GLRA3: variants seen among roughly 807,000 people sequenced by gnomAD.
The protein encoded by GLRA3 is glycine receptor subunit alpha-3.
Under a neutral mutation model 60.4 loss-of-function variants are expected in GLRA3, and 44 were observed. That is an observed-to-expected ratio of 0.73 (90% confidence interval 0.57 to 0.94). The LOEUF (loss-of-function observed/expected upper bound fraction) is 0.94, where lower values mean the gene tolerates loss of function less well. GLRA3 is among the 40% of genes least tolerant of loss of function. GLRA3 has a pLI of 0.00. For missense variants in GLRA3, 508 were observed against 564.6 expected, an observed-to-expected ratio of 0.90 and a Z score of 1.02; for synonymous variants, 223 against 192.9, an observed-to-expected ratio of 1.16 and a Z score of -1.29.
chr4:174,728,063 T>A (rs1227068859), intron 4 of GLRA3, among the ~76,000 whole-genome samples: 1 of 152,128 alleles, frequency 6.6e-6, no homozygotes, highest in Non-Finnish European at 1.5e-5. Context: ...ACAACACATA[T>A]ACCTGAAAAA....
At chr4:174,727,056 T>G (rs939110630) in intron 4 of GLRA3, among the ~76,000 whole-genome samples, 1 of 152,178 alleles carries the variant, frequency 6.6e-6, no homozygotes, top group Non-Finnish European at 1.5e-5. Flanking sequence ...AGAATTCTGA[T>G]GAAAGGGTCA....
At chr4:174,752,906 T>C (rs1364035117) in intron 3 of GLRA3, among the ~76,000 whole-genome samples, 1 of 152,148 alleles carries the variant, frequency 6.6e-6, no homozygotes, top group Non-Finnish European at 1.5e-5. Context: ...CTAAAATTTT[T>C]GAAAAGATGC....
chr4:174,642,556 T>C lies in GLRA3; in HGVS notation c.*1230A>G. The stretch of plus-strand genomic sequence containing the variant: ...TACACTGCAAAAAACAAGTTACTAA[T>C]GCTCTGTTTTTGTTGAAGTAATCCC... On this transcript the variant is annotated 3_prime_UTR_variant, in exon 10 of 10. Coordinates refer to ENST00000274093, the MANE Select transcript of GLRA3 (RefSeq NM_006529.4). 1 of 977,574 alleles carries C rather than the reference T, an allele frequency of 1.0e-6. No individual in the cohort carries two copies. Among genetic ancestry groups the C allele is most frequent in the Non-Finnish European group, 1.2e-6 (1 of 822,832 alleles). The allele number at this position is 977,574 out of a possible 1,614,324, so 60.6% of individuals were successfully genotyped here. A position where few individuals can be genotyped will look rare whatever the true frequency, so the allele number is the denominator to read the frequency against.
intron 8 of GLRA3, 68 bp from the exon 9 acceptor site, chr4:174,656,855 A>G (rs1733226409): frequency 2.3e-6 from 2 of 865,180 alleles, no homozygotes; most frequent in Admixed American, 1.8e-5. Flanking sequence ...ATGATTAAAT[A>G]TAATTACACA....
chr4:174,767,746 C>A (rs1738208149), intron 2 of GLRA3, among the ~76,000 whole-genome samples: 1 of 152,094 alleles, frequency 6.6e-6, no homozygotes, highest in Non-Finnish European at 1.5e-5. Context: ...CCTTACCCTT[C>A]ACTTCCTGCT....
At chr4:174,754,961 T>C (rs1561097459) in intron 3 of GLRA3, among the ~76,000 whole-genome samples, 2 of 152,264 alleles carry the variant, frequency 1.3e-5, no homozygotes, top group East Asian at 1.9e-4. Context: ...AGAAAGATTA[T>C]AGAATTACAC....
intron 2 of GLRA3, among the ~76,000 whole-genome samples, chr4:174,767,973 A>G (rs1004179628): frequency 2.6e-5 from 4 of 152,172 alleles, no homozygotes; most frequent in Non-Finnish European, 5.9e-5. Flanking sequence ...TTAGGCAGCT[A>G]CAATGTTAAA....
intron 9 of GLRA3, 86 bp downstream of exon 9, chr4:174,656,657 A>C (rs183471810): frequency 9.9e-6 from 7 of 705,056 alleles, no homozygotes; most frequent in African/African-American, 1.8e-5. Context: ...TTCCCCACCA[A>C]ACACTGCCTT....
At chr4:174,750,737 C>T (rs1737440971) in intron 3 of GLRA3, among the ~76,000 whole-genome samples, 2 of 152,088 alleles carry the variant, frequency 1.3e-5, no homozygotes, top group African/African-American at 4.8e-5. Flanking sequence ...GTATTCATAA[C>T]ATGTAAACCT....
intron 3 of GLRA3, among the ~76,000 whole-genome samples, chr4:174,739,538 G>C (rs1193392873): frequency 6.6e-6 from 1 of 152,048 alleles, no homozygotes; most frequent in Non-Finnish European, 1.5e-5. Context: ...AGATTAAAAA[G>C]TTTCTAAGAA....
chr4:174,763,582 C>T (rs961350407), intron 3 of GLRA3, among the ~76,000 whole-genome samples: 2 of 152,226 alleles, frequency 1.3e-5, no homozygotes, highest in South Asian at 4.1e-4. Flanking sequence ...CATTGTTAGA[C>T]CCAACTTAAC....
intron 7 of GLRA3, among the ~76,000 whole-genome samples, chr4:174,674,919 T>C (rs1167659790): frequency 1.3e-5 from 2 of 152,158 alleles, no homozygotes; most frequent in African/African-American, 2.4e-5. Flanking sequence ...AGAATCAGAA[T>C]TGTACTTTTA....
intron 3 of GLRA3, among the ~76,000 whole-genome samples, chr4:174,748,230 A>C (rs1737326292): frequency 6.6e-6 from 1 of 152,212 alleles, no homozygotes; most frequent in Non-Finnish European, 1.5e-5. Flanking sequence ...AAGCCAAAGT[A>C]AGACAGTTTT....
rs369836794 is a variant in GLRA3, at chr4:174,747,852, G to A, written c.267+19111C>T. 1.8e-4 allele frequency among the ~76,000 whole-genome samples: 24 copies of A among 132,068 alleles called. No homozygotes were observed. In the East Asian group the frequency reaches 3.0e-3, roughly 17 times the overall value. The allele number at this position is 132,068 out of a possible 152,430, so 86.6% of individuals were successfully genotyped here. On this transcript the variant is annotated intron_variant, in intron 3 of 9. Transcript: ENST00000274093. ...GATTAGACTACTGTGTCAGTGTACA[G>A]TTAATCTTGCCTTTAACATTATAGC...
intron 1 of GLRA3, among the ~76,000 whole-genome samples, chr4:174,808,253 C>T (rs76488208): frequency 2.0e-5 from 3 of 152,122 alleles, no homozygotes; most frequent in East Asian, 3.9e-4. Flanking sequence ...CAGTCATGCA[C>T]CACGTAACGA....
chr4:174,648,586 T>C (rs1732917641), intron 9 of GLRA3, among the ~76,000 whole-genome samples: 1 of 152,108 alleles, frequency 6.6e-6, no homozygotes, highest in Non-Finnish European at 1.5e-5. Context: ...AAATCTGGGG[T>C]GGCCATATGA....
intron 4 of GLRA3, among the ~76,000 whole-genome samples, chr4:174,718,301 CAATT>C (rs1735999974): frequency 6.6e-6 from 1 of 152,108 alleles, no homozygotes. Flanking sequence ...AATCAAGAGG[CAATT>C]AATCACATTC....
chr4:174,822,865 C>T (rs977630012), intron 1 of GLRA3, among the ~76,000 whole-genome samples: 12 of 152,180 alleles, frequency 7.9e-5, no homozygotes, highest in East Asian at 7.7e-4. Flanking sequence ...ACGTTGCCTA[C>T]GAGGTACTAG....
chr4:174,692,498 G>C (rs1033223161), intron 5 of GLRA3, among the ~76,000 whole-genome samples: 1 of 150,612 alleles, frequency 6.6e-6, no homozygotes, highest in African/African-American at 2.4e-5. Context: ...GGAATAGAAA[G>C]GGGGGAAAGG....
Sources: allele counts gnomAD v4.1 joint callset (sites outside exome capture counted in the v4.1 genomes callset), GRCh38; gene constraint gnomAD v4.1.1; transcripts MANE v1.5; gene names NCBI Gene and HGNC (gene_info 2026-07-23, HGNC 2026-07-21).